Variants in VEPH1 observed in about 807,000 individuals in gnomAD.
VEPH1 encodes the protein ventricular zone-expressed PH domain-containing protein homolog 1.
Under a neutral mutation model 85.2 loss-of-function variants are expected in VEPH1, and 80 were observed. That is an observed-to-expected ratio of 0.94 (90% CI 0.78 to 1.13). The LOEUF (loss-of-function observed/expected upper bound fraction) is 1.13. Among genes scored for constraint, VEPH1 ranks in the 50% most tolerant of loss-of-function variants. The pLI, the probability that VEPH1 is intolerant of heterozygous loss-of-function variation, is 0.00. For missense variants in VEPH1, 955 were observed against 980.5 expected, an observed-to-expected ratio of 0.97 and a Z score of 0.35; for synonymous variants, 297 against 348.0, an observed-to-expected ratio of 0.85 and a Z score of 1.63.
intron 9 of VEPH1, among the ~76,000 whole-genome samples, chr3:157,318,290 T>C (rs1412834055): frequency 2.6e-5 from 4 of 152,196 alleles, no homozygotes; most frequent in Non-Finnish European, 4.4e-5. Context: ...AGAATTAATC[T>C]GACATTTTAA....
chr3:157,313,150 C>T (rs1720318498), intron 11 of VEPH1, among the ~76,000 whole-genome samples: 1 of 151,724 alleles, frequency 6.6e-6, no homozygotes, highest in Non-Finnish European at 1.5e-5. Context: ...GTGATCCGCC[C>T]GCCTCGGCCT....
chr3:157,452,974 G>T (rs988110331), intron 4 of VEPH1, among the ~76,000 whole-genome samples: 10 of 152,172 alleles, frequency 6.6e-5, no homozygotes, highest in African/African-American at 2.4e-4. Context: ...TTTGAGGGTG[G>T]CTCATGACCT....
intron 3 of VEPH1, among the ~76,000 whole-genome samples, chr3:157,468,274 C>T (rs1389560921): frequency 6.6e-6 from 1 of 152,176 alleles, no homozygotes; most frequent in East Asian, 1.9e-4. Context: ...TCTTGAACAT[C>T]TGAAGTGTGA....
In VEPH1 at chr3:157,358,563, A is replaced by T. The variant is rs573973662; in HGVS notation, c.1735+4801T>A. On this transcript the variant is annotated intron_variant, in intron 9 of 13. Coordinates refer to ENST00000362010, the MANE Select transcript of VEPH1 (RefSeq NM_001167912.2). ...AAGCATTAAGTGGATGGGCGTAATC[A>T]ACATCCCCCAGATGGGACCAACTGG... is the stretch of plus-strand genomic sequence containing the variant. 2.0e-4 allele frequency among the ~76,000 whole-genome samples: 31 copies of T among 152,320 alleles called. No individual in the cohort carries two copies. In the South Asian group the frequency reaches 6.2e-3, roughly 31 times the overall value.
intron 5 of VEPH1, among the ~76,000 whole-genome samples, chr3:157,418,795 A>G (rs1732113188): frequency 6.6e-6 from 1 of 152,186 alleles, no homozygotes; most frequent in Admixed American, 6.5e-5. Flanking sequence ...CTCTCATTAA[A>G]CTACCATTGA....
intron 4 of VEPH1, among the ~76,000 whole-genome samples, chr3:157,450,981 T>C (rs928944782): frequency 6.6e-6 from 1 of 152,200 alleles, no homozygotes; most frequent in Non-Finnish European, 1.5e-5. Flanking sequence ...AAAATTTTTA[T>C]TTATGATTTA....
intron 12 of VEPH1, among the ~76,000 whole-genome samples, chr3:157,273,906 T>C (rs1364710651): frequency 1.3e-5 from 2 of 152,194 alleles, no homozygotes; most frequent in African/African-American, 4.8e-5. Context: ...CTCTTTATTA[T>C]AATAGATCAC....
chr3:157,336,032 C>T (rs1188934442), intron 9 of VEPH1, among the ~76,000 whole-genome samples: 1 of 152,146 alleles, frequency 6.6e-6, no homozygotes, highest in Admixed American at 6.5e-5. Context: ...CATTTCTTGT[C>T]TTCTCATTTT....
At chr3:157,409,879 C>T in intron 6 of VEPH1, 1 of 985,390 alleles carries the variant, frequency 1.0e-6, no homozygotes, top group Non-Finnish European at 1.2e-6. Flanking sequence ...GGAGACTCTG[C>T]TCTTCTTAAA....
intron 13 of VEPH1, among the ~76,000 whole-genome samples, chr3:157,262,510 C>G (rs1243162880): frequency 6.6e-6 from 1 of 150,802 alleles, no homozygotes; most frequent in Non-Finnish European, 1.5e-5. Context: ...GGATAAAATG[C>G]TGTGATAGAG....
intron 7 of VEPH1, among the ~76,000 whole-genome samples, chr3:157,369,202 A>AAAAAAAAAAAAAAAAAAAAAAAAC (rs1560001426): frequency 6.7e-6 from 1 of 148,942 alleles, no homozygotes; most frequent in East Asian, 2.0e-4. Flanking sequence ...AAAAAAAAAA[A>AAAAAAAAAAAAAAAAAAAAAAAAC]AACCTCCTGA....
At chr3:157,433,653 A>G (rs1733335837) in intron 4 of VEPH1, among the ~76,000 whole-genome samples, 1 of 152,222 alleles carries the variant, frequency 6.6e-6, no homozygotes, top group Admixed American at 6.5e-5. Flanking sequence ...GAGCTGTTGC[A>G]TCAACATTCT....
At chr3:157,369,179 T>TAAAAAAAAAA (rs1560000948) in intron 7 of VEPH1, among the ~76,000 whole-genome samples, 2 of 15,052 alleles carry the variant, frequency 1.3e-4, no homozygotes, top group African/African-American at 2.6e-4. Context: ...AAAAACCAAA[T>TAAAAAAAAAA]GAAAAAAAAA....
At chr3:157,438,420 C>T (rs1733846192) in intron 4 of VEPH1, among the ~76,000 whole-genome samples, 1 of 152,140 alleles carries the variant, frequency 6.6e-6, no homozygotes, top group Non-Finnish European at 1.5e-5. Flanking sequence ...GCCCCTCAGC[C>T]GGCCCCTCCT....
intron 2 of VEPH1, among the ~76,000 whole-genome samples, chr3:157,485,733 T>C (rs541737269): frequency 1.6e-4 from 25 of 152,180 alleles, no homozygotes; most frequent in Non-Finnish European, 2.8e-4. Context: ...ATTTTGATTA[T>C]TTAAAAAATC....
intron 1 of VEPH1, among the ~76,000 whole-genome samples, chr3:157,499,868 A>T (rs1366675732): frequency 6.6e-6 from 1 of 152,084 alleles, no homozygotes; most frequent in Non-Finnish European, 1.5e-5. Flanking sequence ...AGGAGAAGAG[A>T]ACTGCAGCTT....
At chr3:157,443,705 A>G (rs150778304) in intron 4 of VEPH1, 56 of 152,372 alleles carry the variant, frequency 3.7e-4, no homozygotes, top group African/African-American at 1.3e-3. Flanking sequence ...AGCATGGTTA[A>G]TATTGTTAGG....
At chr3:157,398,240 C>T (rs1323698705) in intron 6 of VEPH1, among the ~76,000 whole-genome samples, 2 of 152,054 alleles carry the variant, frequency 1.3e-5, no homozygotes, top group African/African-American at 4.8e-5. Flanking sequence ...CAGAAAGCAC[C>T]CAGTTCATGA....
rs138986046 is a variant in VEPH1, at chr3:157,287,124, A to G, written c.2011-450T>C. On this transcript the variant is annotated intron_variant, in intron 11 of 13. Coordinates refer to ENST00000362010, the MANE Select transcript of VEPH1 (RefSeq NM_001167912.2). ...GTGGTGGGTCATGCCTGTAATCCCA[A>G]CACTCTGGGAGGCTGAGGCAGGCAG... Among the ~76,000 whole-genome samples the G allele has an allele frequency of 7.7e-3, 1,165 of 152,248 alleles. 14 individuals carry two copies. The highest frequency in any genetic ancestry group is 0.027 in the African/African-American group (1,110 of 41,554).
Sources: allele counts gnomAD v4.1 joint callset (sites outside exome capture counted in the v4.1 genomes callset), GRCh38; gene constraint gnomAD v4.1.1; transcripts MANE v1.5; gene names NCBI Gene and HGNC (gene_info 2026-07-23, HGNC 2026-07-21).